Variants in NDST3 observed in about 807,000 individuals in gnomAD.
NDST3 encodes N-deacetylase and N-sulfotransferase 3, also known as bifunctional heparan sulfate N-deacetylase/N-sulfotransferase 3.
A neutral mutation model predicts 96.1 loss-of-function variants in NDST3; 58 were observed. The ratio of observed to expected loss-of-function variants is 0.60; its 90% CI spans 0.49 to 0.75. The LOEUF (loss-of-function observed/expected upper bound fraction) is 0.75. NDST3 is among the 30% of genes least tolerant of loss of function. NDST3 has a pLI of 0.00. For missense variants in NDST3, 788 were observed against 1,034.2 expected, an observed-to-expected ratio of 0.76 and a Z score of 3.27; for synonymous variants, 333 against 359.7, an observed-to-expected ratio of 0.93 and a Z score of 0.84.
At chr4:118,126,756 G>C (rs532389756) in intron 4 of NDST3, among the ~76,000 whole-genome samples, 1 of 151,638 alleles carries the variant, frequency 6.6e-6, no homozygotes. Context: ...TTAGTTTTTT[G>C]AGAAACCTCC....
At chr4:118,057,925 G>T (rs1725562212) in intron 2 of NDST3, among the ~76,000 whole-genome samples, 1 of 152,026 alleles carries the variant, frequency 6.6e-6, no homozygotes, top group African/African-American at 2.4e-5. Flanking sequence ...GAGAGTATTT[G>T]TTGCTAAAAC....
At chr4:118,241,727 C>T (rs1458343317) in intron 11 of NDST3, among the ~76,000 whole-genome samples, 1 of 152,156 alleles carries the variant, frequency 6.6e-6, no homozygotes, top group East Asian at 1.9e-4. Flanking sequence ...AGGATCACTG[C>T]TTTGTCTGTT....
At chr4:118,082,605 T>C (rs1728110001) in intron 2 of NDST3, among the ~76,000 whole-genome samples, 1 of 152,186 alleles carries the variant, frequency 6.6e-6, no homozygotes, top group East Asian at 1.9e-4. Flanking sequence ...ACAAAATTGT[T>C]CTTTACTACA....
chr4:118,039,539 A>G (rs1191700502), intron 1 of NDST3, among the ~76,000 whole-genome samples: 1 of 152,212 alleles, frequency 6.6e-6, no homozygotes, highest in Non-Finnish European at 1.5e-5. Context: ...AAATTGCATA[A>G]CTAATTATAA....
chr4:118,146,207 CA>C (rs2125909883), intron 6 of NDST3, among the ~76,000 whole-genome samples: 1 of 152,248 alleles, frequency 6.6e-6, no homozygotes, highest in Non-Finnish European at 1.5e-5. Flanking sequence ...ACATTAGCTG[CA>C]GGAAAGTCAT....
chr4:118,037,321 G>C (rs149375212), intron 1 of NDST3, among the ~76,000 whole-genome samples: 2 of 152,156 alleles, frequency 1.3e-5, no homozygotes, highest in African/African-American at 2.4e-5. Flanking sequence ...ACCAGGCACT[G>C]TTCTACTTTA....
rs1312153980 is a variant in NDST3 at position 118,240,712 on chromosome 4, T to C, written c.2289+18T>C. 1 of 1,605,392 alleles carries C rather than the reference T, an allele frequency of 6.2e-7. No homozygotes were observed. Among genetic ancestry groups the C allele is most frequent in the South Asian group, 1.1e-5 (1 of 89,840 alleles). On this transcript the variant is annotated intron_variant, in intron 11 of 13. Transcript: ENST00000296499. The stretch of plus-strand genomic sequence containing the variant: ...CATTTCAGGTATGGAGTAATAAGGA[T>C]TTACATCATGTTAGAATCTCATTAA...
At chr4:118,252,356 C>A (rs1289374856) in intron 12 of NDST3, among the ~76,000 whole-genome samples, 1 of 152,122 alleles carries the variant, frequency 6.6e-6, no homozygotes, top group East Asian at 1.9e-4. Flanking sequence ...GTGTATAGTA[C>A]AAGGTAAATA....
At chr4:118,243,347 T>C (rs1314814202) in intron 12 of NDST3, among the ~76,000 whole-genome samples, 1 of 152,148 alleles carries the variant, frequency 6.6e-6, no homozygotes, top group Non-Finnish European at 1.5e-5. Context: ...TAGAGACACG[T>C]AAGGGAGGCA....
chr4:118,186,481 T>C (rs540056238), intron 6 of NDST3, among the ~76,000 whole-genome samples: 10 of 152,154 alleles, frequency 6.6e-5, no homozygotes, highest in African/African-American at 9.7e-5. Flanking sequence ...TGGAGTCTAA[T>C]GTTCGAGGAC....
intron 6 of NDST3, among the ~76,000 whole-genome samples, chr4:118,196,255 T>A (rs1438148852): frequency 6.6e-6 from 1 of 152,172 alleles, no homozygotes; most frequent in Non-Finnish European, 1.5e-5. Context: ...GCTAATACCT[T>A]GTTGAGGCCT....
chr4:118,058,430 C>CAAA (rs35067389), intron 2 of NDST3, among the ~76,000 whole-genome samples: 25,174 of 117,558 alleles, frequency 0.21, 2,644 homozygotes, highest in African/African-American at 0.28. Context: ...CACAAAAAGA[C>CAAA]AAAAAAAAAA....
chr4:118,251,132 T>TTA (rs1741697552), intron 12 of NDST3, among the ~76,000 whole-genome samples: 1 of 128,184 alleles, frequency 7.8e-6, no homozygotes, highest in Non-Finnish European at 1.6e-5. Context: ...TTTATTTTAT[T>TTA]TTTTTTTTTT....
chr4:118,038,014 G>T lies in NDST3; in HGVS notation c.-156+3422G>T, dbSNP rs139717551. Reference sequence around the variant, plus strand: ...TTCATGTAACCTGCCCTAAAACATAGCCAACACTGATCTGTAACTTTACAT... The same window carrying T: ...TTCATGTAACCTGCCCTAAAACATATCCAACACTGATCTGTAACTTTACAT... On this transcript the variant is annotated intron_variant, in intron 1 of 13. Coordinates refer to ENST00000296499, the MANE Select transcript of NDST3 (RefSeq NM_004784.3). Among the ~76,000 whole-genome samples, 44 of 152,168 alleles carry T rather than the reference G, an allele frequency of 2.9e-4. 1 individual carries two copies. In the East Asian group the frequency reaches 7.3e-3, roughly 25 times the overall value.
rs201184740 is a variant in NDST3, at chr4:118,114,972, A to G, written c.1224+12A>G. ...AAAAATTTGCCTTAGTAAGTAACTC[A>G]CTTTGTTGCATTGAAGTAGTGTACA... On this transcript the variant is annotated intron_variant, in intron 4 of 13. Transcript: ENST00000296499. 6.2e-7 allele frequency: 1 copy of G among 1,613,232 alleles called. No homozygotes were observed. Among genetic ancestry groups the G allele is most frequent in the African/African-American group, 1.3e-5 (1 of 75,024 alleles).
chr4:118,244,433 A>AT (rs1741185890), intron 12 of NDST3, among the ~76,000 whole-genome samples: 1 of 151,816 alleles, frequency 6.6e-6, no homozygotes, highest in Admixed American at 6.6e-5. Context: ...ATTGCTTCTT[A>AT]TTTTTTCTTC....
At chr4:118,236,030 C>T (rs1207230679) in intron 9 of NDST3, among the ~76,000 whole-genome samples, 2 of 151,746 alleles carry the variant, frequency 1.3e-5, no homozygotes, top group Non-Finnish European at 2.9e-5. Flanking sequence ...GAAAACAAGA[C>T]ACTGTAAAAA....
chr4:118,241,251 A>G (rs1740987744), intron 11 of NDST3, among the ~76,000 whole-genome samples: 1 of 152,190 alleles, frequency 6.6e-6, no homozygotes, highest in South Asian at 2.1e-4. Flanking sequence ...ATTTTAATTT[A>G]TATTAAAATC....
chr4:118,217,039 G>A (rs1471231155), intron 6 of NDST3, among the ~76,000 whole-genome samples: 3 of 152,096 alleles, frequency 2.0e-5, no homozygotes, highest in South Asian at 2.1e-4. Context: ...ATGTCAGAAA[G>A]ACAAAACTAG....
Sources: gnomAD v4.1 joint callset for allele counts (sites outside exome capture counted in the v4.1 genomes callset) on GRCh38, gnomAD v4.1.1 for gene constraint, MANE v1.5 for transcripts, NCBI Gene and HGNC (gene_info 2026-07-23, HGNC 2026-07-21) for gene names.